The following BRWD3 variants were observed in gnomAD, a reference collection of about 807,000 sequenced individuals.
BRWD3 encodes bromodomain and WD repeat domain containing 3.
Under a neutral mutation model 149.7 loss-of-function variants are expected in BRWD3, and 10 were observed. The ratio of observed to expected loss-of-function variants is 0.07; its 90% confidence interval spans 0.04 to 0.11. BRWD3 has a LOEUF of 0.11. Ranked by LOEUF, BRWD3 falls within the 10% of genes least tolerant of loss-of-function variation. The pLI is 1.00. For missense variants in BRWD3, 940 were observed against 1,373.2 expected (o/e 0.68, Z 4.99); for synonymous variants, 504 against 456.7 (o/e 1.10, Z -1.32).
chrX:80,681,579 A>C, intron 39 of BRWD3, 80 bp from the exon 40 acceptor site: 2 of 775,362 alleles, frequency 2.6e-6, no homozygotes, highest in Non-Finnish European at 1.9e-6. Flanking sequence ...TTGAAACCAT[A>C]TCTCTGTTAT....
chrX:80,760,724 A>T (rs2073793804), intron 6 of BRWD3, among the ~76,000 whole-genome samples: 1 of 112,123 alleles, frequency 8.9e-6, no homozygotes, highest in Non-Finnish European at 1.9e-5. Flanking sequence ...ATCTATTATA[A>T]AGATGTGATT....
chrX:80,700,035 A>G lies in BRWD3; in HGVS notation c.2865T>C (p.Ala955=). ...TCGATTTCCTTACAGCCCGAACATAAGCTTCATGTCCTTGCCTAAAATAGA... is the reference window on the plus strand; with the variant it reads ...TCGATTTCCTTACAGCCCGAACATAGGCTTCATGTCCTTGCCTAAAATAGA... ...ELIYFRQGHE[A]YVRAVRKSKI... Residue 955 remains alanine, a synonymous_variant, in exon 25 of 41, where the codon GCT becomes GCC. Coordinates refer to ENST00000373275, the MANE Select transcript of BRWD3 (RefSeq NM_153252.5). 1 of 1,209,980 alleles carries G rather than the reference A, an allele frequency of 8.3e-7. No individual in the cohort carries two copies. Among genetic ancestry groups the G allele is most frequent in the Non-Finnish European group, 1.1e-6 (1 of 894,259 alleles).
At chrX:80,809,070 G>A (rs1447584235) in intron 2 of BRWD3, 28 bp from the exon 3 acceptor site, 25 of 1,176,608 alleles carry the variant, frequency 2.1e-5, no homozygotes, top group Non-Finnish European at 2.7e-5. Flanking sequence ...ACAGATATGA[G>A]GAGCAGCTCG....
chrX:80,706,058 G>A (rs1309640384), intron 22 of BRWD3, among the ~76,000 whole-genome samples: 1 of 110,983 alleles, frequency 9.0e-6, no homozygotes, highest in East Asian at 2.8e-4. Context: ...TTAACTTTTT[G>A]ACTTTTTTGT....
intron 6 of BRWD3, among the ~76,000 whole-genome samples, chrX:80,762,558 T>A (rs1241430208): frequency 9.5e-6 from 1 of 105,734 alleles, no homozygotes; most frequent in Non-Finnish European, 1.9e-5. Flanking sequence ...ACCAAAAGGG[T>A]ATGTGTTGGG....
intron 4 of BRWD3, among the ~76,000 whole-genome samples, chrX:80,801,929 C>G (rs778965308): frequency 9.0e-6 from 1 of 110,547 alleles, no homozygotes; most frequent in Non-Finnish European, 1.9e-5. Flanking sequence ...ATATGAAAGA[C>G]TCACAATAAA....
At position 80,809,015 on chromosome X, in the gene BRWD3, G is replaced by A; in HGVS notation, c.118C>T (p.Gln40Ter). Residue 40 changes from glutamine (Q) to a stop codon, truncating the protein, a stop_gained and splice_region_variant, in exon 3 of 41, where the codon CAG (glutamine) becomes TAG (stop). Transcript: ENST00000373275. LOFTEE classifies it high-confidence loss of function. ...QVLVQELEEH[Q>*]LIPRRLDWEG... ...CCCTTCCCGAAGGGGCTCCGTACCT[G>A]ATGCTCCTCGAGCTCCTGCACTAGC... is the stretch of plus-strand genomic sequence containing the variant. 1 of 1,196,669 alleles carries A rather than the reference G, an allele frequency of 8.4e-7. No individual in the cohort carries two copies. The highest frequency in any genetic ancestry group is 1.1e-6 in the Non-Finnish European group (1 of 887,915).
At chrX:80,755,132 G>C (rs2073722400) in intron 6 of BRWD3, among the ~76,000 whole-genome samples, 1 of 111,432 alleles carries the variant, frequency 9.0e-6, no homozygotes, top group Admixed American at 9.5e-5. Flanking sequence ...TGTAAATGTT[G>C]AACCATCTTT....
Position 80,682,447 on chromosome X carries a change from G to T in BRWD3, c.4397+18C>A. On this transcript the variant is annotated intron_variant, in intron 38 of 40. Transcript: ENST00000373275. Reference sequence around the variant, plus strand: ...AAATGCTTTGAGAACAAAAAATGTTGCATCAATGTAATGATACCTAGGTGC... The same window carrying T: ...AAATGCTTTGAGAACAAAAAATGTTTCATCAATGTAATGATACCTAGGTGC... 1 of 1,204,054 alleles carries T rather than the reference G, an allele frequency of 8.3e-7. No individual in the cohort carries two copies. The highest frequency in any genetic ancestry group is 1.8e-5 in the South Asian group (1 of 56,812).
At chrX:80,794,379 C>A (rs759514806) in intron 4 of BRWD3, among the ~76,000 whole-genome samples, 2 of 107,622 alleles carry the variant, frequency 1.9e-5, no homozygotes, top group East Asian at 5.8e-4. Context: ...GGTGGCTGCA[C>A]CTCTAATCTC....
intron 6 of BRWD3, among the ~76,000 whole-genome samples, chrX:80,775,516 G>C (rs2073991756): frequency 9.0e-6 from 1 of 111,706 alleles, no homozygotes. Context: ...AGAAATCAGA[G>C]GATGGAAACT....
At chrX:80,711,792 CT>C (rs747514098) in intron 20 of BRWD3, among the ~76,000 whole-genome samples, 9 of 111,764 alleles carry the variant, frequency 8.1e-5, no homozygotes, top group Non-Finnish European at 1.5e-4. Flanking sequence ...CTGGAACCTC[CT>C]CCGTCACACC....
intron 21 of BRWD3, 31 bp from the exon 22 acceptor site, chrX:80,707,534 T>C (rs1402172752): frequency 2.6e-6 from 3 of 1,159,579 alleles, no homozygotes; most frequent in Admixed American, 4.4e-5. Context: ...TTAAGATATA[T>C]GGATATTACC....
intron 6 of BRWD3, among the ~76,000 whole-genome samples, chrX:80,751,213 A>G (rs1224686920): frequency 9.0e-6 from 1 of 111,723 alleles, no homozygotes; most frequent in African/African-American, 3.3e-5. Flanking sequence ...TAATAATAAT[A>G]AAATGTGTAT....
At chrX:80,796,031 C>T (rs1451101395) in intron 4 of BRWD3, among the ~76,000 whole-genome samples, 1 of 110,774 alleles carries the variant, frequency 9.0e-6, no homozygotes, top group African/African-American at 3.3e-5. Flanking sequence ...TGATGTATTC[C>T]TTGCACCCAA....
At chrX:80,764,463 G>T (rs1318898463) in intron 6 of BRWD3, among the ~76,000 whole-genome samples, 1 of 106,604 alleles carries the variant, frequency 9.4e-6, no homozygotes, top group African/African-American at 3.6e-5. Context: ...CTGCCACCAC[G>T]CCTGGATAAT....
intron 6 of BRWD3, among the ~76,000 whole-genome samples, chrX:80,763,607 C>T (rs1016980224): frequency 9.0e-6 from 1 of 111,354 alleles, no homozygotes; most frequent in African/African-American, 3.3e-5. Context: ...CATTTAGAAA[C>T]CAAAATTAAA....
intron 12 of BRWD3, among the ~76,000 whole-genome samples, chrX:80,732,102 GC>G: frequency 9.1e-6 from 1 of 110,439 alleles, no homozygotes; most frequent in Non-Finnish European, 1.9e-5. Flanking sequence ...TTACTTTCAG[GC>G]TACGTGTATA....
rs766068647 is a variant in BRWD3 at position 80,712,605 on chromosome X, T to C, written c.2326-3028A>G. On this transcript the variant is annotated intron_variant, in intron 20 of 40. Transcript: ENST00000373275. ...GAAGTGAGGAGCGTCTCTGCCTGGC[T>C]GCCCATCGTCTGGGATGTGAGGAGC... Among the ~76,000 whole-genome samples the C allele has an allele frequency of 6.9e-3, 686 of 98,988 alleles. 11 individuals carry two copies. The highest frequency in any genetic ancestry group is 0.025 in the African/African-American group (634 of 25,050). The allele number at this position is 98,988 out of a possible 115,157, so 86.0% of individuals were successfully genotyped here. A position where few individuals can be genotyped will look rare whatever the true frequency, so the allele number is the denominator to read the frequency against.
Sources: allele counts gnomAD v4.1 joint callset (sites outside exome capture counted in the v4.1 genomes callset), GRCh38; gene constraint gnomAD v4.1.1; transcripts MANE v1.5; gene names NCBI Gene and HGNC (gene_info 2026-07-23, HGNC 2026-07-21).